TTC13: variants seen among roughly 807,000 people sequenced by gnomAD.
TTC13 encodes tetratricopeptide repeat protein 13.
A neutral mutation model predicts 120.0 loss-of-function variants in TTC13; 62 were observed. The observed-to-expected ratio is 0.52, with a 90% CI of 0.42 to 0.64. The LOEUF (loss-of-function observed/expected upper bound fraction) is 0.64, where lower values mean the gene tolerates loss of function less well. Among genes scored for constraint, TTC13 ranks in the 30% least tolerant of loss-of-function variants. TTC13 has a pLI of 0.00. For missense variants in TTC13, 824 were observed against 1,050.2 expected, an observed-to-expected ratio of 0.78 and a Z score of 2.98; for synonymous variants, 384 against 393.5, an observed-to-expected ratio of 0.98 and a Z score of 0.28.
Position 230,924,954 on chromosome 1 carries a change from C to T in TTC13, c.1608G>A (p.Leu536=). The change falls in exon 14 of 23, where the codon TTG becomes TTA. Residue 536 remains leucine (L), a synonymous_variant. Transcript: ENST00000366661. ...TACGCTGCACGGCTTGCATGACCTCCAATGCGGCCAAACCCATAGCTACGA... is the reference window on the plus strand; with the variant it reads ...TACGCTGCACGGCTTGCATGACCTCTAATGCGGCCAAACCCATAGCTACGA... ...RIHRAMGLAA[L]EVMQAVQRTW... The T allele has an allele frequency of 6.2e-7, 1 of 1,614,182 alleles. No homozygotes were observed. Among genetic ancestry groups the T allele is most frequent in the Non-Finnish European group, 8.5e-7 (1 of 1,180,028 alleles).
chr1:230,949,604 TA>T (rs1242845517), intron 4 of TTC13, among the ~76,000 whole-genome samples: 1 of 151,350 alleles, frequency 6.6e-6, no homozygotes, highest in Non-Finnish European at 1.5e-5. Flanking sequence ...TGCTTATCTG[TA>T]AAGTATTTAG....
In TTC13 at chr1:230,916,230, C is replaced by T; in HGVS notation, c.2056G>A (p.Glu686Lys). The T allele has an allele frequency of 1.2e-6, 2 of 1,614,124 alleles. No homozygotes were observed. The highest frequency in any genetic ancestry group is 1.7e-6 in the Non-Finnish European group (2 of 1,179,972). Reference protein sequence around the residue: ...KVPSLKDQGKEYDGFTITITG... With the variant: ...KVPSLKDQGKKYDGFTITITG... The stretch of plus-strand genomic sequence containing the variant: ...ATCGTGATTGTGAATCCATCATATT[C>T]CTTCCCTTGGTCTTTAAGGCTGGGA... Residue 686 changes from glutamate (E) to lysine (K), a missense_variant, in exon 18 of 23, where the codon GAA (glutamate) becomes AAA (lysine). Physicochemically the swap from Glu to Lys is moderately conservative, Grantham distance 56. Transcript: ENST00000366661.
intron 4 of TTC13, among the ~76,000 whole-genome samples, 192 bp downstream of exon 4, chr1:230,954,141 C>A (rs993535614): frequency 7.2e-5 from 11 of 152,096 alleles, no homozygotes; most frequent in Non-Finnish European, 1.5e-4. Context: ...TCTTTAAAAT[C>A]TTTCATTTAA....
intron 4 of TTC13, among the ~76,000 whole-genome samples, chr1:230,951,005 C>T (rs188214871): frequency 3.9e-5 from 6 of 152,202 alleles, no homozygotes; most frequent in Admixed American, 1.3e-4. Context: ...CAATGCAGAC[C>T]AACATCTATT....
At chr1:230,952,595 A>G (rs966846853) in intron 4 of TTC13, among the ~76,000 whole-genome samples, 1 of 152,224 alleles carries the variant, frequency 6.6e-6, no homozygotes, top group Non-Finnish European at 1.5e-5. Flanking sequence ...ATTTCAATAC[A>G]TTATCTTCTT....
chr1:230,924,372 G>A (rs1261132430), intron 14 of TTC13, among the ~76,000 whole-genome samples: 2 of 152,012 alleles, frequency 1.3e-5, no homozygotes, highest in African/African-American at 2.4e-5. Context: ...TCGCTGTGTC[G>A]CCCAGGCTGG....
intron 1 of TTC13, among the ~76,000 whole-genome samples, chr1:230,968,182 GGT>G (rs200091386): frequency 5.9e-5 from 3 of 51,206 alleles, no homozygotes; most frequent in African/African-American, 2.0e-4. Flanking sequence ...TTCCTATGGT[GGT>G]GGGGGGGGGG....
At chr1:230,948,935 T>G (rs1675270040) in intron 4 of TTC13, among the ~76,000 whole-genome samples, 1 of 152,126 alleles carries the variant, frequency 6.6e-6, no homozygotes. Context: ...CTTTGATCCC[T>G]TAAGTCTCAG....
chr1:230,940,307 T>C lies in TTC13; in HGVS notation c.789+133A>G, dbSNP rs1572233616. 3 of 515,692 alleles carry C rather than the reference T, an allele frequency of 5.8e-6. No individual in the cohort carries two copies. The East Asian group carries it at 1.0e-4, about 17-fold the overall frequency. The allele number at this position is 515,692 out of a possible 1,614,324, so 31.9% of individuals were successfully genotyped here. Reference sequence around the variant, plus strand: ...TTTAATTTCAGCTACAGAAAATGCTTTTATAACTCTTATGACACAGACATA... The same window carrying C: ...TTTAATTTCAGCTACAGAAAATGCTCTTATAACTCTTATGACACAGACATA... On this transcript the variant is annotated intron_variant, in intron 7 of 22. Coordinates refer to ENST00000366661, the MANE Select transcript of TTC13 (RefSeq NM_024525.5). This position sits in a 1 kb window ranked among gnomAD's most constrained non-coding sequence, Gnocchi z 4.1.
chr1:230,972,456 G>A (rs10779803), intron 1 of TTC13, among the ~76,000 whole-genome samples: 109,157 of 152,226 alleles, frequency 0.72, 39,479 homozygotes, highest in South Asian at 0.82. Context: ...AAATTCTGCC[G>A]CTTTGATAAA....
Position 230,911,458 on chromosome 1 carries a change from G to T in TTC13, c.2309+12C>A, listed in dbSNP as rs370225801. On this transcript the variant is annotated intron_variant, in intron 20 of 22. Transcript: ENST00000366661. ...CAATTTAAAATAATTTTAATGACAG[G>T]ATATTACTTACCTGGATCCTCGAGA... 1.3e-6 allele frequency: 2 copies of T among 1,541,102 alleles called. No individual in the cohort carries two copies. The highest frequency in any genetic ancestry group is 1.8e-6 in the Non-Finnish European group (2 of 1,132,214).
At chr1:230,949,852 T>C (rs912681799) in intron 4 of TTC13, among the ~76,000 whole-genome samples, 24 of 152,154 alleles carry the variant, frequency 1.6e-4, no homozygotes, top group South Asian at 6.2e-4. Flanking sequence ...GGTTTCACCA[T>C]GTTAGCCAGG....
At chr1:230,923,194 G>T (rs552602917) in intron 15 of TTC13, among the ~76,000 whole-genome samples, 108 of 151,938 alleles carry the variant, frequency 7.1e-4, no homozygotes, top group African/African-American at 2.6e-3. Flanking sequence ...TGATAATATA[G>T]GTCCCCAAGA....
At chr1:230,921,986 C>T (rs1238263912) in intron 15 of TTC13, among the ~76,000 whole-genome samples, 1 of 152,186 alleles carries the variant, frequency 6.6e-6, no homozygotes, top group Non-Finnish European at 1.5e-5. Context: ...AACTCACTCC[C>T]AGAACTCCAT....
intron 4 of TTC13, among the ~76,000 whole-genome samples, 188 bp downstream of exon 4, chr1:230,954,145 C>A (rs554026185): frequency 6.6e-6 from 1 of 152,172 alleles, no homozygotes; most frequent in South Asian, 2.1e-4. Context: ...TAAAATCTTT[C>A]ATTTAAAAGA....
In TTC13 at chr1:230,978,734, CCAGCAG is replaced by C; in HGVS notation, c.91_96del (p.Leu31_Leu32del). The stretch of plus-strand genomic sequence containing the variant: ...GGCCGCAGCCCGGCGGACAGGACCC[CCAGCAG>C]CAGCAGCAGCAGGACACGCCGGGCG... On this transcript the variant is annotated inframe_deletion, in exon 1 of 23. Coordinates refer to ENST00000366661, the MANE Select transcript of TTC13 (RefSeq NM_024525.5). This position sits in a 1 kb window ranked among gnomAD's most constrained non-coding sequence, Gnocchi z 5.6. 5 of 1,465,270 alleles carry C rather than the reference CCAGCAG, an allele frequency of 3.4e-6. No individual in the cohort carries two copies. Among genetic ancestry groups the C allele is most frequent in the South Asian group, 1.3e-5 (1 of 77,218 alleles). 90.8% of individuals were successfully genotyped at this position (1,465,270 alleles called of 1,614,324 possible).
chr1:230,941,799 G>C (rs1464635061), intron 6 of TTC13, among the ~76,000 whole-genome samples: 1 of 152,070 alleles, frequency 6.6e-6, no homozygotes, highest in Non-Finnish European at 1.5e-5. Context: ...TATTTGGGAA[G>C]GAAAATCATC....
chr1:230,939,129 T>C (rs1436381878), intron 8 of TTC13, among the ~76,000 whole-genome samples: 1 of 152,240 alleles, frequency 6.6e-6, no homozygotes, highest in Non-Finnish European at 1.5e-5. Context: ...TTATATTACA[T>C]TCTTGAGTAT....
intron 1 of TTC13, among the ~76,000 whole-genome samples, chr1:230,975,103 G>C (rs999878109): frequency 6.6e-6 from 1 of 152,040 alleles, no homozygotes; most frequent in African/African-American, 2.4e-5. Flanking sequence ...GGCCAGGCAC[G>C]GTGTCTCACG....
Sources: gnomAD v4.1 joint callset for allele counts (sites outside exome capture counted in the v4.1 genomes callset) on GRCh38, gnomAD v4.1.1 for gene constraint, Gnocchi (gnomAD v3.1) non-coding constraint, MANE v1.5 for transcripts, NCBI Gene and HGNC (gene_info 2026-07-23, HGNC 2026-07-21) for gene names.